Variants in PCDHA6 observed in about 807,000 individuals in gnomAD.
PCDHA6 encodes the protein protocadherin alpha 6, also known as protocadherin alpha-6.
Under a neutral mutation model 60.3 loss-of-function variants are expected in PCDHA6, and 55 were observed. That is an observed-to-expected ratio of 0.91 (90% CI 0.73 to 1.14). The LOEUF (loss-of-function observed/expected upper bound fraction) is 1.14, where lower values mean the gene tolerates loss of function less well. PCDHA6 is among the 50% of genes most tolerant of loss of function. The pLI is 0.00. For synonymous variants in PCDHA6, 652 were observed against 557.9 expected, an observed-to-expected ratio of 1.17 and a Z score of -2.38; for missense variants, 1,327 against 1,256.5, an observed-to-expected ratio of 1.06 and a Z score of -0.85.
At chr5:140,894,256 A>G (rs1554186008) in intron 1 of PCDHA6, among the ~76,000 whole-genome samples, 1 of 152,010 alleles carries the variant, frequency 6.6e-6, no homozygotes, top group African/African-American at 2.4e-5. Context: ...TTTTCTTTAC[A>G]AGTGGTAGCT....
Position 140,857,494 on chromosome 5 carries a change from C to A in PCDHA6, c.2394+27009C>A, listed in dbSNP as rs189056024. Reference sequence around the variant, plus strand: ...TCACGGTGTCTGCGTGGGACGCGGACGCGCAGGAGAACGCCCTGGTGTCCT... The same window carrying A: ...TCACGGTGTCTGCGTGGGACGCGGAAGCGCAGGAGAACGCCCTGGTGTCCT... On this transcript the variant is annotated intron_variant, in intron 1 of 3. Coordinates refer to ENST00000529310, the MANE Select transcript of PCDHA6 (RefSeq NM_018909.4). 3.8e-5 allele frequency: 60 copies of A among 1,598,330 alleles called. 2 individuals are homozygous for A. In the East Asian group the frequency reaches 1.2e-3, roughly 32 times the overall value.
chr5:140,928,148 A>G (rs1228039818), intron 1 of PCDHA6: 1 of 1,614,054 alleles, frequency 6.2e-7, no homozygotes, highest in African/African-American at 1.3e-5. Context: ...ACGGCCTCAG[A>G]TAGTGGCTCA....
intron 1 of PCDHA6, among the ~76,000 whole-genome samples, chr5:140,831,726 T>G (rs1554133357): frequency 6.6e-6 from 1 of 152,106 alleles, no homozygotes. Context: ...TTTGGTGTTA[T>G]CCTCCCTTGC....
At position 140,882,067 on chromosome 5, in the gene PCDHA6, G is replaced by A. The variant is rs1031145324; in HGVS notation, c.2394+51582G>A. 7.1e-6 allele frequency: 6 copies of A among 848,700 alleles called. No individual in the cohort carries two copies. The East Asian group carries it at 8.0e-5, about 11-fold the overall frequency. 52.6% of individuals were successfully genotyped at this position (848,700 alleles called of 1,614,324 possible). A position where few individuals can be genotyped will look rare whatever the true frequency, so the allele number is the denominator to read the frequency against. ...GTCATACTTACACTTACACGTTCATGCGCATGGTGTCGCTCTTCACTGAGA... is the reference window on the plus strand; with the variant it reads ...GTCATACTTACACTTACACGTTCATACGCATGGTGTCGCTCTTCACTGAGA... On this transcript the variant is annotated intron_variant, in intron 1 of 3. Transcript: ENST00000529310.
Position 140,828,708 on chromosome 5 carries a change from C to T in PCDHA6, c.617C>T (p.Pro206Leu), listed in dbSNP as rs2150158098. 1 of 1,614,220 alleles carries T rather than the reference C, an allele frequency of 6.2e-7. No individual in the cohort carries two copies. ...AAATCCTTGGACAGAGAGGAAGCTC[C>T]TGCACACAACTTATTCCTGACAGCC... ...LKKSLDREEA[P>L]AHNLFLTATD... The change falls in exon 1 of 4, where the codon CCT becomes CTT. Residue 206 changes from proline to leucine, a missense_variant. Coordinates refer to ENST00000529310, the MANE Select transcript of PCDHA6 (RefSeq NM_018909.4).
rs57893927 is a variant in PCDHA6, at chr5:140,946,631, T to TATATATATATATATATAC, written c.2395-32317_2395-32316insTATATATATATATATACA. Among the ~76,000 whole-genome samples, 374 of 131,796 alleles carry TATATATATATATATATAC rather than the reference T, an allele frequency of 2.8e-3. 24 individuals carry two copies. The highest frequency in any genetic ancestry group is 0.011 in the African/African-American group (320 of 28,670). 86.5% of individuals were successfully genotyped at this position (131,796 alleles called of 152,430 possible). ...TGTGAAATATATATATATATATATA[T>TATATATATATATATATAC]ACAATGGAATACTCATCAGCCATTA... On this transcript the variant is annotated intron_variant, in intron 1 of 3. Coordinates refer to ENST00000529310, the MANE Select transcript of PCDHA6 (RefSeq NM_018909.4).
At chr5:140,856,648 T>C in intron 1 of PCDHA6, 1 of 1,598,290 alleles carries the variant, frequency 6.3e-7, no homozygotes, top group Non-Finnish European at 8.6e-7. Context: ...AGCTGCTGGA[T>C]CGTGAAGAAA....
Position 140,856,935 on chromosome 5 carries a change from A to G in PCDHA6, c.2394+26450A>G, listed in dbSNP as rs1554149306. 4 of 1,594,120 alleles carry G rather than the reference A, an allele frequency of 2.5e-6. 1 individual carries two copies. The African/African-American group carries it at 5.4e-5, about 21-fold the overall frequency. ...ATAAGAAGGAAATTTTGGATAAACGAAAGGACGGGAGAAATAAAAGTAAAT... is the reference window on the plus strand; with the variant it reads ...ATAAGAAGGAAATTTTGGATAAACGGAAGGACGGGAGAAATAAAAGTAAAT... On this transcript the variant is annotated intron_variant, in intron 1 of 3. Transcript: ENST00000529310.
At chr5:140,946,660 A>T (rs2094005518) in intron 1 of PCDHA6, among the ~76,000 whole-genome samples, 1 of 146,900 alleles carries the variant, frequency 6.8e-6, no homozygotes, top group African/African-American at 2.6e-5. Context: ...GCCATTAGAA[A>T]GAATGAAATC....
Position 141,002,363 on chromosome 5 carries a change from A to G in PCDHA6, c.2543-7264A>G, listed in dbSNP as rs75749580. On this transcript the variant is annotated intron_variant, in intron 3 of 3. Transcript: ENST00000529310. ...CCTTCCCCCACCTCCACTCCTTTCAACTCATTCTGGCTTAGGGCTCCTGCT... is the reference window on the plus strand; with the variant it reads ...CCTTCCCCCACCTCCACTCCTTTCAGCTCATTCTGGCTTAGGGCTCCTGCT... Among the ~76,000 whole-genome samples, 567 of 152,272 alleles carry G rather than the reference A, an allele frequency of 3.7e-3. 5 individuals are homozygous for G. Among genetic ancestry groups the G allele is most frequent in the African/African-American group, 0.013 (537 of 41,558 alleles).
rs1554144120 is a variant in PCDHA6, at chr5:140,850,272, A to G, written c.2394+19787A>G. 1.2e-5 allele frequency: 19 copies of G among 1,594,612 alleles called. 2 individuals carry two copies. The highest frequency in any genetic ancestry group is 7.7e-6 in the Non-Finnish European group (9 of 1,167,372). Reference sequence around the variant, plus strand: ...GGTGGGCGCCGGCGTAGTGGTGGGGAAGGTGCGCGCAGTGGACGCCGACTC... The same window carrying G: ...GGTGGGCGCCGGCGTAGTGGTGGGGGAGGTGCGCGCAGTGGACGCCGACTC... On this transcript the variant is annotated intron_variant, in intron 1 of 3. Transcript: ENST00000529310.
chr5:140,979,144 T>C, intron 2 of PCDHA6, 137 bp downstream of exon 2: 1 of 1,448,584 alleles, frequency 6.9e-7, no homozygotes. Flanking sequence ...GCAATTATTT[T>C]GTCCCCATGT....
chr5:140,951,773 A>T (rs1554220071), intron 1 of PCDHA6, among the ~76,000 whole-genome samples: 1 of 152,198 alleles, frequency 6.6e-6, no homozygotes, highest in East Asian at 1.9e-4. Context: ...TGACGTTCTT[A>T]CATTGCAAAA....
At position 140,855,615 on chromosome 5, in the gene PCDHA6, G is replaced by A. The variant is rs533931974; in HGVS notation, c.2394+25130G>A. On this transcript the variant is annotated intron_variant, in intron 1 of 3. Coordinates refer to ENST00000529310, the MANE Select transcript of PCDHA6 (RefSeq NM_018909.4). ...ACTCAGTAGTATGCAAATATTAAGG[G>A]CATTTTGAAATTCGGCTATTGATAA... Among the ~76,000 whole-genome samples, 21 of 149,700 alleles carry A rather than the reference G, an allele frequency of 1.4e-4. 1 individual carries two copies. Among genetic ancestry groups the A allele is most frequent in the African/African-American group, 5.1e-4 (21 of 40,910 alleles).
intron 1 of PCDHA6, among the ~76,000 whole-genome samples, chr5:140,887,104 T>G (rs1554182871): frequency 6.6e-6 from 1 of 151,604 alleles, no homozygotes; most frequent in Admixed American, 6.6e-5. Flanking sequence ...TTTATCTCTT[T>G]TTTTTTTTTT....
chr5:140,836,455 C>G, intron 1 of PCDHA6: 1 of 1,613,840 alleles, frequency 6.2e-7, no homozygotes, highest in Non-Finnish European at 8.5e-7. Flanking sequence ...GGCCCAGAGA[C>G]CGAGCTGGTG....
intron 1 of PCDHA6, chr5:140,930,058 C>T (rs1186770970): frequency 6.6e-6 from 1 of 152,172 alleles, no homozygotes; most frequent in Non-Finnish European, 1.5e-5. Context: ...TTTGCTTACA[C>T]AAAAACTGTA....
chr5:140,967,976 C>T (rs2096205972), intron 1 of PCDHA6: 3 of 1,614,222 alleles, frequency 1.9e-6, no homozygotes, highest in Non-Finnish European at 2.5e-6. Context: ...GAGCCTGGGT[C>T]TGGAGGCCAC....
At chr5:140,889,632 C>T (rs265311) in intron 1 of PCDHA6, among the ~76,000 whole-genome samples, 138,318 of 152,176 alleles carry the variant, frequency 0.91, 63,092 homozygotes, top group East Asian at 1. Context: ...CTCTTCTTTT[C>T]ATTTGTGTTT....
Sources: gnomAD v4.1 joint callset for allele counts (sites outside exome capture counted in the v4.1 genomes callset) on GRCh38, gnomAD v4.1.1 for gene constraint, MANE v1.5 for transcripts, NCBI Gene and HGNC (gene_info 2026-07-23, HGNC 2026-07-21) for gene names.